The following AGBL1 variants were observed in gnomAD, a reference collection of about 807,000 sequenced individuals.
AGBL1 encodes AGBL carboxypeptidase 1.
AGBL1 carries 130 observed loss-of-function variants against 118.9 expected under a neutral mutation model. The observed-to-expected ratio is 1.09, with a 90% CI of 0.95 to 1.26. The LOEUF (loss-of-function observed/expected upper bound fraction) is 1.26. Ranked by LOEUF, AGBL1 falls within the 50% of genes most tolerant of loss-of-function variation. The probability of loss-of-function intolerance (pLI) is 0.00; values close to 1 mark genes in which losing one functional copy is unlikely to be tolerated. For synonymous variants in AGBL1, 555 were observed against 478.9 expected (o/e 1.16, Z -2.08); for missense variants, 1,584 against 1,298.1 (o/e 1.22, Z -3.38).
chr15:86,568,483 G>A (rs2083951688), intron 21 of AGBL1, among the ~76,000 whole-genome samples: 1 of 152,174 alleles, frequency 6.6e-6, no homozygotes, highest in South Asian at 2.1e-4. Context: ...AAAATCAAAT[G>A]GAGGCTGTAA....
At chr15:86,927,516 G>C (rs1274456494) in intron 23 of AGBL1, among the ~76,000 whole-genome samples, 3 of 152,138 alleles carry the variant, frequency 2.0e-5, no homozygotes, top group African/African-American at 7.2e-5. Flanking sequence ...GAGCCCAGGA[G>C]TTCCAGGCTG....
chr15:86,626,519 G>C (rs759291826), intron 21 of AGBL1, among the ~76,000 whole-genome samples: 8 of 152,166 alleles, frequency 5.3e-5, no homozygotes, highest in Non-Finnish European at 1.2e-4. Flanking sequence ...AAGGTGGGAG[G>C]AGGGAGAGGA....
chr15:86,642,509 A>G (rs558344285), intron 21 of AGBL1, among the ~76,000 whole-genome samples: 3 of 152,276 alleles, frequency 2.0e-5, no homozygotes, highest in Non-Finnish European at 4.4e-5. Context: ...TCTTTTAAAA[A>G]AAATTGTGTT....
Position 86,480,219 on chromosome 15 carries a change from G to T in AGBL1, c.2556-42591G>T, listed in dbSNP as rs549089590. ...GTGCACATGCACCCTAGGACTTAAA[G>T]TATAATAATAAAAAAGAGTAACTAT... On this transcript the variant is annotated intron_variant, in intron 18 of 22. Coordinates refer to ENST00000614907, the MANE Select transcript of AGBL1 (RefSeq NM_001386094.1). Among the ~76,000 whole-genome samples, 10 of 152,190 alleles carry T rather than the reference G, an allele frequency of 6.6e-5. No individual in the cohort carries two copies. The East Asian group carries it at 1.9e-3, about 29-fold the overall frequency.
At chr15:86,880,211 C>G (rs775665504) in intron 22 of AGBL1, among the ~76,000 whole-genome samples, 30 of 152,168 alleles carry the variant, frequency 2.0e-4, no homozygotes, top group Admixed American at 9.2e-4. Context: ...TTTCCTTGAC[C>G]TAAATGCATT....
intron 18 of AGBL1, among the ~76,000 whole-genome samples, chr15:86,508,414 C>T (rs554016847): frequency 5.9e-4 from 90 of 152,146 alleles, no homozygotes; most frequent in African/African-American, 2.0e-3. Context: ...AAAGATTGTG[C>T]TTTAGGTAAA....
intron 17 of AGBL1, among the ~76,000 whole-genome samples, chr15:86,302,720 A>G (rs1299618900): frequency 6.7e-6 from 1 of 149,410 alleles, no homozygotes; most frequent in African/African-American, 2.5e-5. Context: ...TGGAGGTTAC[A>G]GTGAGCTGAG....
intron 22 of AGBL1, among the ~76,000 whole-genome samples, chr15:86,738,698 G>T (rs1002438588): frequency 6.6e-6 from 1 of 152,116 alleles, no homozygotes; most frequent in African/African-American, 2.4e-5. Flanking sequence ...AAATGAATTT[G>T]GGAAATCTAA....
At chr15:86,667,254 G>C (rs11854409) in intron 21 of AGBL1, among the ~76,000 whole-genome samples, 81,939 of 139,044 alleles carry the variant, frequency 0.59, 23,028 homozygotes, top group Middle Eastern at 0.7. Context: ...ATGTATGTAT[G>C]TATCTATCTA....
At chr15:86,569,801 G>A (rs995612502) in intron 21 of AGBL1, among the ~76,000 whole-genome samples, 17 of 152,112 alleles carry the variant, frequency 1.1e-4, no homozygotes, top group Admixed American at 2.6e-4. Flanking sequence ...AAATTTAAAC[G>A]CCCATCGTAG....
intron 21 of AGBL1, among the ~76,000 whole-genome samples, chr15:86,585,540 A>T (rs1173998460): frequency 6.6e-6 from 1 of 151,812 alleles, no homozygotes; most frequent in Non-Finnish European, 1.5e-5. Flanking sequence ...TTTTACTTCT[A>T]TTTTTTTATA....
chr15:86,436,280 A>G (rs564007161), intron 18 of AGBL1, among the ~76,000 whole-genome samples: 3 of 152,064 alleles, frequency 2.0e-5, no homozygotes, highest in South Asian at 2.1e-4. Flanking sequence ...GTGCCTTGCT[A>G]GAGTCAGGTG....
intron 22 of AGBL1, among the ~76,000 whole-genome samples, chr15:86,807,596 C>A (rs938493073): frequency 1.3e-5 from 2 of 151,908 alleles, no homozygotes; most frequent in African/African-American, 4.8e-5. Flanking sequence ...GTCTGTGTAC[C>A]TTGGAAGTCC....
intron 18 of AGBL1, among the ~76,000 whole-genome samples, chr15:86,500,963 T>C (rs188790975): frequency 2.6e-4 from 39 of 151,868 alleles, no homozygotes; most frequent in Non-Finnish European, 3.7e-4. Context: ...TAAACATCCA[T>C]GTGCAAGATT....
intron 22 of AGBL1, among the ~76,000 whole-genome samples, chr15:86,804,665 T>C (rs2078693789): frequency 6.6e-6 from 1 of 152,160 alleles, no homozygotes; most frequent in African/African-American, 2.4e-5. Flanking sequence ...ACCTGGGTCA[T>C]ACTGTTTTTT....
intron 22 of AGBL1, among the ~76,000 whole-genome samples, chr15:86,813,201 G>GT (rs2078814634): frequency 1.3e-5 from 1 of 76,418 alleles, no homozygotes; most frequent in African/African-American, 3.8e-5. Context: ...ACCTTTGAGG[G>GT]TTGGGGGGGC....
At chr15:86,702,860 C>T (rs948534179) in intron 22 of AGBL1, among the ~76,000 whole-genome samples, 2 of 123,066 alleles carry the variant, frequency 1.6e-5, no homozygotes, top group Non-Finnish European at 3.3e-5. Context: ...ATTACGTCAA[C>T]CTCCAATGAC....
At chr15:86,740,619 A>G (rs1377178838) in intron 22 of AGBL1, among the ~76,000 whole-genome samples, 1 of 152,180 alleles carries the variant, frequency 6.6e-6, no homozygotes, top group Non-Finnish European at 1.5e-5. Context: ...ACAATTTATA[A>G]GTGCTTGTAG....
exon 24 of AGBL1, chr15:86,988,068 C>A (rs576322430): frequency 6.2e-7 from 1 of 1,613,562 alleles, no homozygotes; most frequent in Admixed American, 1.7e-5. Context: ...TCAAGATGAA[C>A]CTTCTTCTGC....
Sources: allele counts gnomAD v4.1 joint callset (sites outside exome capture counted in the v4.1 genomes callset), GRCh38; gene constraint gnomAD v4.1.1; transcripts MANE v1.5; gene names NCBI Gene and HGNC (gene_info 2026-07-23, HGNC 2026-07-21).